NICN1: variants seen among roughly 807,000 people sequenced by gnomAD.
NICN1 encodes the protein nicolin-1.
Under a neutral mutation model 26.3 loss-of-function variants are expected in NICN1, and 18 were observed. The observed-to-expected ratio is 0.68, with a 90% CI of 0.47 to 1.01. The LOEUF is 1.01. NICN1 is among the 50% of genes least tolerant of loss of function. NICN1 has a pLI of 0.00. For synonymous variants in NICN1, 109 were observed against 111.0 expected, an observed-to-expected ratio of 0.98 and a Z score of 0.11; for missense variants, 239 against 278.3, an observed-to-expected ratio of 0.86 and a Z score of 1.00.
intron 1 of NICN1, among the ~76,000 whole-genome samples, chr3:49,427,612 C>T (rs2049185062): frequency 1.3e-5 from 2 of 148,360 alleles, no homozygotes; most frequent in African/African-American, 2.5e-5. Flanking sequence ...CACTGTACTC[C>T]AGCCTGGGTG....
rs2049135621 is a variant in NICN1, at chr3:49,422,839, G to A, written c.*1994C>T. The stretch of plus-strand genomic sequence containing the variant: ...GAGAGTAAGGTCAAGTGGGGGTGGG[G>A]AAGGTGGGCCAGCCTGGCAGGTAGG... On this transcript the variant is annotated 3_prime_UTR_variant, in exon 6 of 6. Transcript: ENST00000273598. The A allele has an allele frequency of 2.7e-6, 1 of 366,694 alleles. No homozygotes were observed. Among genetic ancestry groups the A allele is most frequent in the Admixed American group, 3.7e-5 (1 of 26,820 alleles). 22.7% of individuals were successfully genotyped at this position (366,694 alleles called of 1,614,324 possible).
At chr3:49,429,073 C>G in intron 1 of NICN1, 35 bp downstream of exon 1, 1 of 1,556,070 alleles carries the variant, frequency 6.4e-7, no homozygotes, top group Non-Finnish European at 8.7e-7. Context: ...CGGCCCCGCC[C>G]GGGAGCCTCG....
chr3:49,426,056 C>T (rs561587356), intron 2 of NICN1, 60 bp from the exon 3 acceptor site: 2 of 1,254,734 alleles, frequency 1.6e-6, no homozygotes, highest in East Asian at 2.4e-5. Context: ...AGCCTCCCAA[C>T]CAGCAATGAG....
chr3:49,426,887 A>G (rs528225331), intron 1 of NICN1, among the ~76,000 whole-genome samples: 2 of 152,314 alleles, frequency 1.3e-5, no homozygotes, highest in African/African-American at 4.8e-5. Flanking sequence ...CTAAATGAGT[A>G]GGTCCTGGAA....
intron 1 of NICN1, among the ~76,000 whole-genome samples, chr3:49,427,096 C>T (rs1360587483): frequency 2.6e-5 from 4 of 152,012 alleles, no homozygotes; most frequent in East Asian, 1.9e-4. Context: ...CCGAGGCGGG[C>T]GGATCACAAG....
Position 49,425,054 on chromosome 3 carries a change from C to T in NICN1, c.496-1G>A, listed in dbSNP as rs1559532182. On this transcript the variant is annotated splice_acceptor_variant, in intron 4 of 5. Coordinates refer to ENST00000273598, the MANE Select transcript of NICN1 (RefSeq NM_032316.3). LOFTEE classifies it high-confidence loss of function. ...ATACCCTGCTGGGGTCTGGGAGACC[C>T]TGCTCCAGAAGGAGGGGTCAGTGGC... 1 of 1,613,084 alleles carries T rather than the reference C, an allele frequency of 6.2e-7. No individual in the cohort carries two copies. The highest frequency in any genetic ancestry group is 8.5e-7 in the Non-Finnish European group (1 of 1,179,192).
intron 1 of NICN1, among the ~76,000 whole-genome samples, chr3:49,428,890 G>A (rs2049195941): frequency 6.6e-6 from 1 of 152,162 alleles, no homozygotes; most frequent in Non-Finnish European, 1.5e-5. Flanking sequence ...GCGCTGTCCT[G>A]GATGTGGGCA....
Position 49,424,591 on chromosome 3 carries a change from G to A in NICN1, c.*242C>T. ...CTCAGTAAGTACAACTGACTGGAGT[G>A]TTTTTGGGTAGAAGGAAGAATTGAG... On this transcript the variant is annotated 3_prime_UTR_variant, in exon 6 of 6. Transcript: ENST00000273598. 1.7e-6 allele frequency: 1 copy of A among 601,626 alleles called. No homozygotes were observed. Among genetic ancestry groups the A allele is most frequent in the Non-Finnish European group, 3.0e-6 (1 of 338,550 alleles). 37.3% of individuals were successfully genotyped at this position (601,626 alleles called of 1,614,324 possible).
rs1366225448 is a variant in NICN1 at position 49,422,578 on chromosome 3, C to G, written c.*2255G>C. 1 of 1,024,480 alleles carries G rather than the reference C, an allele frequency of 9.8e-7. No homozygotes were observed. Among genetic ancestry groups the G allele is most frequent in the Admixed American group, 2.0e-5 (1 of 50,370 alleles). 63.5% of individuals were successfully genotyped at this position (1,024,480 alleles called of 1,614,324 possible). A position where few individuals can be genotyped will look rare whatever the true frequency, so the allele number is the denominator to read the frequency against. On this transcript the variant is annotated 3_prime_UTR_variant, in exon 6 of 6. Coordinates refer to ENST00000273598, the MANE Select transcript of NICN1 (RefSeq NM_032316.3). ...GCAAAGGATCTGAAGGGGGCGTGGGCAGCCCCAAGGGCAGGCTGGGATTTA... is the reference window on the plus strand; with the variant it reads ...GCAAAGGATCTGAAGGGGGCGTGGGGAGCCCCAAGGGCAGGCTGGGATTTA...
intron 3 of NICN1, among the ~76,000 whole-genome samples, chr3:49,425,671 C>T (rs547384031): frequency 1.3e-5 from 2 of 152,170 alleles, no homozygotes; most frequent in Admixed American, 1.3e-4. Flanking sequence ...CCTAAAGGCT[C>T]CAGCTCTGAA....
In NICN1 at chr3:49,422,858, A is replaced by C. The variant is rs985588184; in HGVS notation, c.*1975T>G. 2.8e-6 allele frequency: 1 copy of C among 359,654 alleles called. No individual in the cohort carries two copies. Among genetic ancestry groups the C allele is most frequent in the Non-Finnish European group, 5.4e-6 (1 of 183,776 alleles). The allele number at this position is 359,654 out of a possible 1,614,324, so 22.3% of individuals were successfully genotyped here. On this transcript the variant is annotated 3_prime_UTR_variant, in exon 6 of 6. Coordinates refer to ENST00000273598, the MANE Select transcript of NICN1 (RefSeq NM_032316.3). ...GGTGGGGAAGGTGGGCCAGCCTGGCAGGTAGGCAGCACCACAGTAGTCTGT... is the reference window on the plus strand; with the variant it reads ...GGTGGGGAAGGTGGGCCAGCCTGGCCGGTAGGCAGCACCACAGTAGTCTGT...
At chr3:49,425,522 A>C (rs1034530856) in intron 3 of NICN1, 84 bp from the exon 4 acceptor site, 88 of 1,166,786 alleles carry the variant, frequency 7.5e-5, no homozygotes, top group South Asian at 7.7e-5. Flanking sequence ...AGCAGAGAGA[A>C]GGGCCGCTGG....
Position 49,422,524 on chromosome 3 carries a change from G to T in NICN1, c.*2309C>A. The T allele has an allele frequency of 6.8e-7, 1 of 1,472,914 alleles. No individual in the cohort carries two copies. Among genetic ancestry groups the T allele is most frequent in the Non-Finnish European group, 9.4e-7 (1 of 1,067,568 alleles). The allele number at this position is 1,472,914 out of a possible 1,614,324, so 91.2% of individuals were successfully genotyped here. ...AGGCACGCCGGGAGATGTAGTCCAGGCCTCTGCTCGGACAGGTCTCTCTCC... is the reference window on the plus strand; with the variant it reads ...AGGCACGCCGGGAGATGTAGTCCAGTCCTCTGCTCGGACAGGTCTCTCTCC... On this transcript the variant is annotated 3_prime_UTR_variant, in exon 6 of 6. Coordinates refer to ENST00000273598, the MANE Select transcript of NICN1 (RefSeq NM_032316.3).
At position 49,426,327 on chromosome 3, in the gene NICN1, C is replaced by T. The variant is rs367690231; in HGVS notation, c.234G>A (p.Leu78=). 1.9e-6 allele frequency: 3 copies of T among 1,614,120 alleles called. No homozygotes were observed. Among genetic ancestry groups the T allele is most frequent in the African/African-American group, 2.7e-5 (2 of 74,940 alleles). ...AHTPAKWVTC[L]RDYCLMPDPH... is the part of the protein sequence containing the mutation. The stretch of plus-strand genomic sequence containing the variant: ...GGTCAGGCATTAGGCAGTAGTCCCG[C>T]AGGCAGGTCACCCACTTGGCAGGTG... The change falls in exon 2 of 6, where the codon CTG becomes CTA. Residue 78 remains leucine (L), a synonymous_variant. Coordinates refer to ENST00000273598, the MANE Select transcript of NICN1 (RefSeq NM_032316.3).
Position 49,425,452 on chromosome 3 carries a change from A to C in NICN1, c.424-14T>G. 6.2e-7 allele frequency: 1 copy of C among 1,604,188 alleles called. No homozygotes were observed. The highest frequency in any genetic ancestry group is 1.1e-5 in the South Asian group (1 of 88,934). ...CACGGAGGGGCTCTGCAAAGCAAAGATGTACTGCCCTGAGTGAGACAAAGT... is the reference window on the plus strand; with the variant it reads ...CACGGAGGGGCTCTGCAAAGCAAAGCTGTACTGCCCTGAGTGAGACAAAGT... On this transcript the variant is annotated splice_polypyrimidine_tract_variant and intron_variant, in intron 3 of 5. Coordinates refer to ENST00000273598, the MANE Select transcript of NICN1 (RefSeq NM_032316.3).
At chr3:49,426,151 C>A in intron 2 of NICN1, 101 bp downstream of exon 2, 1 of 1,310,856 alleles carries the variant, frequency 7.6e-7, no homozygotes, top group Non-Finnish European at 1.1e-6. Flanking sequence ...ACAGTTCAGG[C>A]CAGACTGGCC....
rs2049138955 is a variant in NICN1, at chr3:49,423,127, T to C, written c.*1706A>G. ...GGGGCTATGTAAGTGACCTTGCAGATGAAGTCGCCACCTGCAAGAACTCAC... is the reference window on the plus strand; with the variant it reads ...GGGGCTATGTAAGTGACCTTGCAGACGAAGTCGCCACCTGCAAGAACTCAC... On this transcript the variant is annotated 3_prime_UTR_variant, in exon 6 of 6. Coordinates refer to ENST00000273598, the MANE Select transcript of NICN1 (RefSeq NM_032316.3). The C allele has an allele frequency of 6.3e-6, 1 of 158,992 alleles. No homozygotes were observed. Among genetic ancestry groups the C allele is most frequent in the Non-Finnish European group, 1.4e-5 (1 of 71,970 alleles). 9.8% of individuals were successfully genotyped at this position (158,992 alleles called of 1,614,324 possible).
intron 1 of NICN1, 101 bp from the exon 2 acceptor site, chr3:49,426,529 C>CTT (rs113679342): frequency 2.1e-3 from 1,350 of 640,608 alleles, no homozygotes; most frequent in Non-Finnish European, 2.4e-3. Context: ...CCCACCTTTT[C>CTT]TTTTTTTTTT....
chr3:49,424,978 G>A lies in NICN1; in HGVS notation c.571C>T (p.His191Tyr). Residue 191 changes from histidine to tyrosine, a missense_variant, in exon 5 of 6, where the codon CAC becomes TAC. Physicochemically the swap from His to Tyr is moderately conservative, Grantham distance 83. Transcript: ENST00000273598. ...WALTEMIRAS[H>Y]TSARIGRFDV... ...AAGCGGCCGATCCTTGCGGAGGTGT[G>A]ACTGGCCCGGATCATCTCTGTCAGT... 1.9e-6 allele frequency: 3 copies of A among 1,614,100 alleles called. No homozygotes were observed. Among genetic ancestry groups the A allele is most frequent in the Non-Finnish European group, 2.5e-6 (3 of 1,180,022 alleles).
Sources: gnomAD v4.1 joint callset for allele counts (sites outside exome capture counted in the v4.1 genomes callset) on GRCh38, gnomAD v4.1.1 for gene constraint, MANE v1.5 for transcripts, NCBI Gene and HGNC (gene_info 2026-07-23, HGNC 2026-07-21) for gene names.